The following TEAD1 variants were observed in gnomAD, a reference collection of about 807,000 sequenced individuals.
The protein encoded by TEAD1 is TEA domain transcription factor 1.
A neutral mutation model predicts 54.9 loss-of-function variants in TEAD1; 9 were observed. That is an observed-to-expected ratio of 0.16 (90% CI 0.10 to 0.29). The LOEUF is 0.29. TEAD1 is among the 10% of genes least tolerant of loss of function. The pLI is 1.00. For synonymous variants in TEAD1, 200 were observed against 187.8 expected (o/e 1.07, Z -0.53); for missense variants, 387 against 535.9 (o/e 0.72, Z 2.74).
chr11:12,908,354 T>C (rs1212954525), intron 10 of TEAD1, among the ~76,000 whole-genome samples: 1 of 152,204 alleles, frequency 6.6e-6, no homozygotes, highest in Non-Finnish European at 1.5e-5. Context: ...GGTCATTCTG[T>C]TTCCCCTGCC....
intron 2 of TEAD1, among the ~76,000 whole-genome samples, chr11:12,730,360 G>A (rs1397692753): frequency 4.7e-5 from 7 of 149,498 alleles, no homozygotes; most frequent in African/African-American, 7.4e-5. Context: ...TTGTTTAAGG[G>A]TATATTCTTT....
intron 3 of TEAD1, among the ~76,000 whole-genome samples, chr11:12,852,905 A>G (rs1037650038): frequency 7.2e-5 from 11 of 152,362 alleles, no homozygotes; most frequent in African/African-American, 2.6e-4. Flanking sequence ...CTATGAGACC[A>G]GGACAGAATG....
intron 9 of TEAD1, among the ~76,000 whole-genome samples, chr11:12,900,596 G>A (rs1359904041): frequency 6.6e-6 from 1 of 152,044 alleles, no homozygotes; most frequent in Non-Finnish European, 1.5e-5. Flanking sequence ...AGTTTGCCTT[G>A]GGCAGTGTTT....
chr11:12,904,071 TG>T (rs1420854771), intron 10 of TEAD1, among the ~76,000 whole-genome samples: 3 of 152,220 alleles, frequency 2.0e-5, no homozygotes, highest in East Asian at 1.9e-4. Flanking sequence ...AAACTATTTT[TG>T]TTATAATACA....
Position 12,869,064 on chromosome 11 carries a change from A to T in TEAD1, c.330+4164A>T, listed in dbSNP as rs180680118. ...GGGGGACCATGAAGAGCATCATGTAATTGGGGACATGCGGTGGGAGGTAAG... is the reference window on the plus strand; with the variant it reads ...GGGGGACCATGAAGAGCATCATGTATTTGGGGACATGCGGTGGGAGGTAAG... On this transcript the variant is annotated intron_variant, in intron 5 of 12. Coordinates refer to ENST00000527636, the MANE Select transcript of TEAD1 (RefSeq NM_021961.6). 4.6e-3 allele frequency among the ~76,000 whole-genome samples: 697 copies of T among 152,302 alleles called. 3 individuals are homozygous for T. Among genetic ancestry groups the T allele is most frequent in the Middle Eastern group, 0.044 (13 of 294 alleles).
At chr11:12,787,805 A>G (rs1018137557) in intron 3 of TEAD1, among the ~76,000 whole-genome samples, 1 of 152,200 alleles carries the variant, frequency 6.6e-6, no homozygotes, top group Admixed American at 6.5e-5. Context: ...GGAGAAAAAT[A>G]CTGAGGCTAT....
chr11:12,778,756 A>G (rs1355495504), intron 3 of TEAD1, among the ~76,000 whole-genome samples: 2 of 152,166 alleles, frequency 1.3e-5, no homozygotes, highest in African/African-American at 4.8e-5. Flanking sequence ...TGGCATTTTT[A>G]TGACATTTAC....
intron 3 of TEAD1, among the ~76,000 whole-genome samples, chr11:12,778,122 A>C (rs188376157): frequency 4.6e-5 from 7 of 152,210 alleles, no homozygotes; most frequent in Non-Finnish European, 1.0e-4. Context: ...ATTATCTTAC[A>C]TTACAGATGA....
At chr11:12,696,223 C>T (rs778868778) in intron 2 of TEAD1, among the ~76,000 whole-genome samples, 1 of 152,112 alleles carries the variant, frequency 6.6e-6, no homozygotes, top group Non-Finnish European at 1.5e-5. Flanking sequence ...GTTTTTGTTT[C>T]GTAATTGTGT....
Position 12,833,522 on chromosome 11 carries a change from A to C in TEAD1, c.203-28728A>C, listed in dbSNP as rs537901769. Among the ~76,000 whole-genome samples, 29 of 152,306 alleles carry C rather than the reference A, an allele frequency of 1.9e-4. No individual in the cohort carries two copies. The South Asian group carries it at 5.8e-3, about 30-fold the overall frequency. On this transcript the variant is annotated intron_variant, in intron 3 of 12. Coordinates refer to ENST00000527636, the MANE Select transcript of TEAD1 (RefSeq NM_021961.6). The stretch of plus-strand genomic sequence containing the variant: ...TTTTGACATTCATCATTAGTGACCC[A>C]ATAGACTGGGCATGTAAAATCTGAA...
rs867700265 is a variant in TEAD1, at chr11:12,851,029, A to G, written c.203-11221A>G. 41 of 974,228 alleles carry G rather than the reference A, an allele frequency of 4.2e-5. No homozygotes were observed. The African/African-American group carries it at 7.0e-4, about 17-fold the overall frequency. 60.3% of individuals were successfully genotyped at this position (974,228 alleles called of 1,614,324 possible). A position where few individuals can be genotyped will look rare whatever the true frequency, so the allele number is the denominator to read the frequency against. ...TCAGGTGATATTGGCAGTGCTGTCT[A>G]ATTTTCATAATCTTTTTCTAGATCT... On this transcript the variant is annotated intron_variant, in intron 3 of 12. Coordinates refer to ENST00000527636, the MANE Select transcript of TEAD1 (RefSeq NM_021961.6).
intron 3 of TEAD1, among the ~76,000 whole-genome samples, chr11:12,846,456 C>CAAAG (rs1564961814): frequency 6.6e-6 from 1 of 151,784 alleles, no homozygotes; most frequent in African/African-American, 2.4e-5. Context: ...GATATCTTTA[C>CAAAG]AAAGCAACAT....
At chr11:12,793,999 A>G (rs919496513) in intron 3 of TEAD1, among the ~76,000 whole-genome samples, 1 of 152,260 alleles carries the variant, frequency 6.6e-6, no homozygotes, top group Admixed American at 6.5e-5. Flanking sequence ...TCATTCTTAC[A>G]GCTCTGGAGT....
At chr11:12,677,715 A>T (rs1446311320) in intron 2 of TEAD1, among the ~76,000 whole-genome samples, 1 of 152,256 alleles carries the variant, frequency 6.6e-6, no homozygotes, top group Non-Finnish European at 1.5e-5. Flanking sequence ...TAATACGAAC[A>T]GTTTAAAGCA....
chr11:12,697,505 G>A (rs1225235986), intron 2 of TEAD1, among the ~76,000 whole-genome samples: 1 of 152,018 alleles, frequency 6.6e-6, no homozygotes, highest in African/African-American at 2.4e-5. Flanking sequence ...ATTTTTTTGG[G>A]GAGGAAAACC....
intron 3 of TEAD1, among the ~76,000 whole-genome samples, chr11:12,846,483 A>G (rs1055691156): frequency 1.3e-5 from 2 of 151,904 alleles, no homozygotes; most frequent in Admixed American, 6.6e-5. Flanking sequence ...CCCGAGCCAC[A>G]TAAGTAGTTT....
intron 2 of TEAD1, among the ~76,000 whole-genome samples, chr11:12,748,993 C>CT (rs1301478590): frequency 6.6e-6 from 1 of 152,160 alleles, no homozygotes; most frequent in Non-Finnish European, 1.5e-5. Flanking sequence ...AACATCATCT[C>CT]TGAGAGGAGG....
intron 12 of TEAD1, among the ~76,000 whole-genome samples, chr11:12,934,278 A>G (rs1304467626): frequency 6.6e-6 from 1 of 152,150 alleles, no homozygotes; most frequent in African/African-American, 2.4e-5. Context: ...TCAGCAAACT[A>G]TTGCAAGGAC....
At chr11:12,762,515 G>C (rs2133923448) in intron 2 of TEAD1, among the ~76,000 whole-genome samples, 1 of 152,298 alleles carries the variant, frequency 6.6e-6, no homozygotes, top group Admixed American at 6.5e-5. Flanking sequence ...TGAAAGTCCT[G>C]TGTAAATGTA....
Sources: allele counts gnomAD v4.1 joint callset (sites outside exome capture counted in the v4.1 genomes callset), GRCh38; gene constraint gnomAD v4.1.1; transcripts MANE v1.5; gene names NCBI Gene and HGNC (gene_info 2026-07-23, HGNC 2026-07-21).